GTPBP10: variants seen among roughly 807,000 people sequenced by gnomAD.
GTPBP10 encodes the protein GTP binding protein 10.
In GTPBP10, 38 loss-of-function variants were observed where a neutral mutation model predicts 44.8. The observed-to-expected ratio is 0.85, with a 90% CI of 0.65 to 1.11. GTPBP10 has a LOEUF of 1.11. GTPBP10 is among the 50% of genes most tolerant of loss of function. The probability of loss-of-function intolerance (pLI) is 0.00; values close to 1 mark genes in which losing one functional copy is unlikely to be tolerated. For missense variants in GTPBP10, 462 were observed against 453.7 expected (o/e 1.02, Z -0.17); for synonymous variants, 152 against 150.6 (o/e 1.01, Z -0.07).
At position 90,354,467 on chromosome 7, in the gene GTPBP10, A is replaced by C; in HGVS notation, c.237A>C (p.Ala79=). 6.4e-7 allele frequency: 1 copy of C among 1,563,840 alleles called. No individual in the cohort carries two copies. Among genetic ancestry groups the C allele is most frequent in the Non-Finnish European group, 8.7e-7 (1 of 1,149,712 alleles). The change falls in exon 3 of 10, where the codon GCA becomes GCC. Residue 79 remains alanine, a synonymous_variant. Coordinates refer to ENST00000222511, the MANE Select transcript of GTPBP10 (RefSeq NM_033107.4). ...AGVGANSKIS[A]LKGSKGKDCE... The stretch of plus-strand genomic sequence containing the variant: ...ACTTTTTTTTTGGTAGAATTAGTGC[A>C]CTGAAAGGCTCCAAAGGAAAAGACT...
In GTPBP10 at chr7:90,371,648, C is replaced by T. The variant is rs559531414; in HGVS notation, c.465-507C>T. On this transcript the variant is annotated intron_variant, in intron 4 of 9. Transcript: ENST00000222511. ...CACCGGGTATTTGTAACGTACAGAC[C>T]TTACTTGGATTTCTATTCAAACCAA... 1.1e-4 allele frequency among the ~76,000 whole-genome samples: 16 copies of T among 152,220 alleles called. No individual in the cohort carries two copies. In the East Asian group the frequency reaches 1.4e-3, roughly 13 times the overall value.
At chr7:90,365,222 G>C (rs539502093) in intron 4 of GTPBP10, among the ~76,000 whole-genome samples, 1 of 152,036 alleles carries the variant, frequency 6.6e-6, no homozygotes, top group Non-Finnish European at 1.5e-5. Flanking sequence ...TGCATCGCTC[G>C]CACTGGGAGC....
At chr7:90,354,363 T>G in intron 2 of GTPBP10, 95 bp from the exon 3 acceptor site, 1 of 520,600 alleles carries the variant, frequency 1.9e-6, no homozygotes, top group East Asian at 3.3e-5. Flanking sequence ...AGAGAATTGA[T>G]TGCTACTCTT....
At chr7:90,384,762 T>C in intron 9 of GTPBP10, 130 bp from the exon 10 acceptor site, 1 of 773,930 alleles carries the variant, frequency 1.3e-6, no homozygotes, top group East Asian at 2.7e-5. Flanking sequence ...GAGAACTTAT[T>C]AGAAAAGGTG....
intron 1 of GTPBP10, among the ~76,000 whole-genome samples, chr7:90,350,585 T>C (rs921416834): frequency 3.3e-5 from 5 of 152,222 alleles, no homozygotes; most frequent in Admixed American, 6.5e-5. Flanking sequence ...TAAGTTGTCA[T>C]ATGGTAACCT....
rs1796544277 is a variant in GTPBP10, at chr7:90,387,476, G to C, written c.*2322G>C. ...TGGTAAAGTATTAAAGAAAAATAAT[G>C]CATTGTTCTCAGCTTAAATTTTTTT... On this transcript the variant is annotated 3_prime_UTR_variant, in exon 10 of 10. Coordinates refer to ENST00000222511, the MANE Select transcript of GTPBP10 (RefSeq NM_033107.4). 1 of 152,168 alleles carries C rather than the reference G, an allele frequency of 6.6e-6. No individual in the cohort carries two copies. The highest frequency in any genetic ancestry group is 6.5e-5 in the Admixed American group (1 of 15,282). 9.4% of individuals were successfully genotyped at this position (152,168 alleles called of 1,614,324 possible). A position where few individuals can be genotyped will look rare whatever the true frequency, so the allele number is the denominator to read the frequency against.
In GTPBP10 at chr7:90,391,025, A is replaced by G. The variant is rs902610659; in HGVS notation, c.*5871A>G. ...CAGAGTAAATAAAAGCCCCTAGTCAAGTGAATTCTAATGGGGGAAATAAGA... is the reference window on the plus strand; with the variant it reads ...CAGAGTAAATAAAAGCCCCTAGTCAGGTGAATTCTAATGGGGGAAATAAGA... On this transcript the variant is annotated 3_prime_UTR_variant, in exon 10 of 10. Coordinates refer to ENST00000222511, the MANE Select transcript of GTPBP10 (RefSeq NM_033107.4). 1 of 152,216 alleles carries G rather than the reference A, an allele frequency of 6.6e-6. No homozygotes were observed. Among genetic ancestry groups the G allele is most frequent in the Non-Finnish European group, 1.5e-5 (1 of 68,032 alleles). The allele number at this position is 152,216 out of a possible 1,614,324, so 9.4% of individuals were successfully genotyped here. A position where few individuals can be genotyped will look rare whatever the true frequency, so the allele number is the denominator to read the frequency against.
At chr7:90,348,634 TG>T (rs897047041) in intron 1 of GTPBP10, among the ~76,000 whole-genome samples, 3 of 78,666 alleles carry the variant, frequency 3.8e-5, no homozygotes, top group African/African-American at 1.5e-4. Context: ...GCAGAAGGGG[TG>T]GGGGTGGAGG....
rs539245770 is a variant in GTPBP10, at chr7:90,387,064, G to A, written c.*1910G>A. On this transcript the variant is annotated 3_prime_UTR_variant, in exon 10 of 10. Coordinates refer to ENST00000222511, the MANE Select transcript of GTPBP10 (RefSeq NM_033107.4). ...AAAAATTGTACTTCAGGCCAGGCAC[G>A]GTGGGTCACGCCTGTTAATCTCAGC... The A allele has an allele frequency of 5.3e-5, 8 of 152,112 alleles. No homozygotes were observed. Among genetic ancestry groups the A allele is most frequent in the East Asian group, 1.9e-4 (1 of 5,184 alleles). The allele number at this position is 152,112 out of a possible 1,614,324, so 9.4% of individuals were successfully genotyped here. A position where few individuals can be genotyped will look rare whatever the true frequency, so the allele number is the denominator to read the frequency against.
At chr7:90,353,218 C>A in intron 2 of GTPBP10, 1 of 411,714 alleles carries the variant, frequency 2.4e-6, no homozygotes, top group South Asian at 5.6e-5. Context: ...CGTTTCTTTT[C>A]CCAATGTCTA....
At chr7:90,370,785 C>G (rs1486233694) in intron 4 of GTPBP10, among the ~76,000 whole-genome samples, 1 of 152,148 alleles carries the variant, frequency 6.6e-6, no homozygotes, top group Non-Finnish European at 1.5e-5. Flanking sequence ...GTGGGCAGAT[C>G]ACGAGGTCAG....
intron 8 of GTPBP10, among the ~76,000 whole-genome samples, chr7:90,380,533 G>C (rs1451420932): frequency 6.6e-6 from 1 of 151,994 alleles, no homozygotes; most frequent in African/African-American, 2.4e-5. Flanking sequence ...AAGTGTAATT[G>C]ACATAAAAAT....
intron 4 of GTPBP10, among the ~76,000 whole-genome samples, chr7:90,365,719 A>G (rs752294937): frequency 9.8e-5 from 15 of 152,294 alleles, no homozygotes; most frequent in Middle Eastern, 3.4e-3. Context: ...CAACAGGACA[A>G]TTTGACTTTC....
intron 1 of GTPBP10, among the ~76,000 whole-genome samples, chr7:90,348,698 G>A (rs941058668): frequency 6.6e-6 from 1 of 151,636 alleles, no homozygotes; most frequent in Admixed American, 6.6e-5. Context: ...CTTTATGGAA[G>A]TACATCATAA....
At chr7:90,365,750 C>G (rs902438147) in intron 4 of GTPBP10, among the ~76,000 whole-genome samples, 4 of 152,202 alleles carry the variant, frequency 2.6e-5, no homozygotes, top group Non-Finnish European at 4.4e-5. Context: ...ATTGAATACC[C>G]TTTATTTCTC....
Position 90,385,017 on chromosome 7 carries a change from C to T in GTPBP10, c.1027C>T (p.Leu343=). 1.2e-6 allele frequency: 2 copies of T among 1,613,970 alleles called. No homozygotes were observed. The highest frequency in any genetic ancestry group is 1.7e-6 in the Non-Finnish European group (2 of 1,179,954). ...EELKNCIRKS[L]DEQANQENDA... is the part of the protein sequence containing the mutation. ...ATTAAAGAATTGTATAAGAAAGTCA[C>T]TGGATGAACAGGCCAACCAGGAAAA... Residue 343 remains leucine, a synonymous_variant, in exon 10 of 10, where the codon CTG becomes TTG. Coordinates refer to ENST00000222511, the MANE Select transcript of GTPBP10 (RefSeq NM_033107.4).
chr7:90,364,042 T>G (rs979081055), intron 4 of GTPBP10, among the ~76,000 whole-genome samples: 21 of 152,320 alleles, frequency 1.4e-4, no homozygotes, highest in African/African-American at 4.1e-4. Context: ...TCGTCTAATC[T>G]TTTGTCAAGG....
At chr7:90,351,267 G>T (rs924127817) in intron 1 of GTPBP10, among the ~76,000 whole-genome samples, 2 of 152,120 alleles carry the variant, frequency 1.3e-5, no homozygotes, top group Non-Finnish European at 2.9e-5. Context: ...TGTAAGTTTT[G>T]ATAAATTTTA....
chr7:90,383,204 C>A, intron 9 of GTPBP10, 125 bp downstream of exon 9: 1 of 556,804 alleles, frequency 1.8e-6, no homozygotes, highest in Non-Finnish European at 2.9e-6. Flanking sequence ...AAAGAATATA[C>A]AAAACATGTA....
Sources: allele counts gnomAD v4.1 joint callset (sites outside exome capture counted in the v4.1 genomes callset), GRCh38; gene constraint gnomAD v4.1.1; transcripts MANE v1.5; gene names NCBI Gene and HGNC (gene_info 2026-07-23, HGNC 2026-07-21).